IL1RAPL1: variants seen among roughly 807,000 people sequenced by gnomAD.
The protein encoded by IL1RAPL1 is interleukin-1 receptor accessory protein-like 1.
IL1RAPL1 carries 3 observed loss-of-function variants against 48.4 expected under a neutral mutation model. That is an observed-to-expected ratio of 0.06 (90% confidence interval 0.03 to 0.16). The LOEUF is 0.16. Among genes scored for constraint, IL1RAPL1 ranks in the 10% least tolerant of loss-of-function variants. The probability of loss-of-function intolerance (pLI) is 1.00; values close to 1 mark genes in which losing one functional copy is unlikely to be tolerated. For synonymous variants in IL1RAPL1, 185 were observed against 187.7 expected, an observed-to-expected ratio of 0.99 and a Z score of 0.12; for missense variants, 349 against 530.6, an observed-to-expected ratio of 0.66 and a Z score of 3.36.
chrX:29,740,122 G>GAAAA (rs1172511347), intron 6 of IL1RAPL1, among the ~76,000 whole-genome samples: 3 of 52,318 alleles, frequency 5.7e-5, no homozygotes, highest in African/African-American at 1.3e-4. Flanking sequence ...CAAAAAAACA[G>GAAAA]AAAAAAAAAA....
intron 5 of IL1RAPL1, among the ~76,000 whole-genome samples, chrX:29,471,317 G>A (rs774664687): frequency 9.0e-6 from 1 of 111,566 alleles, no homozygotes; most frequent in South Asian, 3.8e-4. Context: ...GTGAAAAGAA[G>A]AACTAGAGGA....
At chrX:28,806,013 C>T (rs1202832054) in intron 2 of IL1RAPL1, among the ~76,000 whole-genome samples, 1 of 110,820 alleles carries the variant, frequency 9.0e-6, no homozygotes, top group East Asian at 2.8e-4. Flanking sequence ...AATGTACATG[C>T]ATGTCATAAC....
At chrX:29,216,429 G>A (rs1930870754) in intron 2 of IL1RAPL1, among the ~76,000 whole-genome samples, 1 of 110,763 alleles carries the variant, frequency 9.0e-6, no homozygotes, top group Non-Finnish European at 1.9e-5. Context: ...TCCTGGACTC[G>A]AGCGATCCAT....
intron 2 of IL1RAPL1, among the ~76,000 whole-genome samples, chrX:28,900,413 G>A (rs1347432535): frequency 8.9e-6 from 1 of 111,808 alleles, no homozygotes. Flanking sequence ...TCAAGGCTAA[G>A]ATGGTTACTC....
intron 1 of IL1RAPL1, among the ~76,000 whole-genome samples, chrX:28,668,923 A>G (rs759076762): frequency 8.9e-6 from 1 of 112,025 alleles, no homozygotes; most frequent in South Asian, 3.8e-4. Context: ...TGCCTGTTTT[A>G]CATTTCAATA....
chrX:28,854,832 C>G (rs955405244), intron 2 of IL1RAPL1, among the ~76,000 whole-genome samples: 2 of 111,387 alleles, frequency 1.8e-5, no homozygotes, highest in Non-Finnish European at 3.8e-5. Flanking sequence ...GTGACCTTGG[C>G]AAGACCAGTT....
intron 2 of IL1RAPL1, among the ~76,000 whole-genome samples, chrX:29,183,345 A>C (rs2147522048): frequency 9.0e-6 from 1 of 111,696 alleles, no homozygotes; most frequent in South Asian, 3.7e-4. Flanking sequence ...CCATTCTTCA[A>C]ACTTGCATCC....
At chrX:28,627,879 C>A (rs1170377308) in intron 1 of IL1RAPL1, among the ~76,000 whole-genome samples, 1 of 109,589 alleles carries the variant, frequency 9.1e-6, no homozygotes, top group African/African-American at 3.3e-5. Flanking sequence ...TTTTTGACAT[C>A]ATTTTCTTTG....
chrX:28,786,249 G>T (rs1023044487), intron 1 of IL1RAPL1, among the ~76,000 whole-genome samples: 2 of 111,632 alleles, frequency 1.8e-5, no homozygotes, highest in East Asian at 5.6e-4. Flanking sequence ...CAGATCAGTT[G>T]AGGTCAGGAG....
intron 5 of IL1RAPL1, among the ~76,000 whole-genome samples, chrX:29,535,232 C>T (rs563820400): frequency 1.0e-4 from 11 of 108,237 alleles, no homozygotes; most frequent in African/African-American, 3.7e-4. Context: ...GTCAGATGAG[C>T]AAACTTCCCC....
At chrX:29,276,074 C>T (rs933581193) in intron 2 of IL1RAPL1, among the ~76,000 whole-genome samples, 1 of 112,103 alleles carries the variant, frequency 8.9e-6, no homozygotes, top group African/African-American at 3.2e-5. Context: ...GCTGGGTGTC[C>T]TGCCATCTAA....
At chrX:28,801,508 T>C (rs1011415083) in intron 2 of IL1RAPL1, among the ~76,000 whole-genome samples, 1 of 111,801 alleles carries the variant, frequency 8.9e-6, no homozygotes, top group Non-Finnish European at 1.9e-5. Flanking sequence ...CCACGGTTAA[T>C]CTTCATGTTA....
At chrX:29,917,120 C>T (rs753260793) in intron 6 of IL1RAPL1, among the ~76,000 whole-genome samples, 15 of 112,005 alleles carry the variant, frequency 1.3e-4, no homozygotes, top group Non-Finnish European at 2.8e-4. Context: ...TATCATGCTT[C>T]GAGAAGGGCA....
intron 2 of IL1RAPL1, among the ~76,000 whole-genome samples, chrX:28,886,568 A>G (rs1362528488): frequency 9.0e-6 from 1 of 110,746 alleles, no homozygotes; most frequent in Non-Finnish European, 1.9e-5. Context: ...ATACGTGGTT[A>G]GAAAAATAAT....
chrX:29,954,444 A>G (rs918181611), intron 9 of IL1RAPL1, 78 bp from the exon 10 acceptor site: 7 of 864,323 alleles, frequency 8.1e-6, no homozygotes, highest in Non-Finnish European at 8.5e-6. Context: ...CGTTTATGAA[A>G]AAAAGTGCAT....
At chrX:29,151,447 C>G (rs1375887608) in intron 2 of IL1RAPL1, among the ~76,000 whole-genome samples, 1 of 111,912 alleles carries the variant, frequency 8.9e-6, no homozygotes. Flanking sequence ...GAATCCAACT[C>G]TCTTAGTTTG....
At chrX:28,841,080 G>T (rs969528861) in intron 2 of IL1RAPL1, among the ~76,000 whole-genome samples, 2 of 110,798 alleles carry the variant, frequency 1.8e-5, no homozygotes, top group Non-Finnish European at 3.8e-5. Flanking sequence ...TTGTCAAAAT[G>T]TGACTCTTTG....
At chrX:28,843,086 T>C (rs755753661) in intron 2 of IL1RAPL1, among the ~76,000 whole-genome samples, 171 of 111,303 alleles carry the variant, frequency 1.5e-3, no homozygotes, top group African/African-American at 5.3e-3. Context: ...TTTTTTTCTG[T>C]TAAATATTAA....
At chrX:29,883,267 C>T (rs1465109658) in intron 6 of IL1RAPL1, among the ~76,000 whole-genome samples, 1 of 109,856 alleles carries the variant, frequency 9.1e-6, no homozygotes, top group East Asian at 2.9e-4. Flanking sequence ...ATCCATTGAC[C>T]ACCGAGCACA....
Sources: allele counts gnomAD v4.1 joint callset (sites outside exome capture counted in the v4.1 genomes callset), GRCh38; gene constraint gnomAD v4.1.1; transcripts MANE v1.5; gene names NCBI Gene and HGNC (gene_info 2026-07-23, HGNC 2026-07-21).